CNTN2: variants seen among roughly 807,000 people sequenced by gnomAD.
CNTN2 encodes the protein contactin 2.
A neutral mutation model predicts 117.5 loss-of-function variants in CNTN2; 53 were observed. The observed-to-expected ratio is 0.45, with a 90% CI of 0.36 to 0.57. The LOEUF is 0.57. Among genes scored for constraint, CNTN2 ranks in the 20% least tolerant of loss-of-function variants. The pLI is 0.00. For missense variants in CNTN2, 1,106 were observed against 1,404.3 expected, an observed-to-expected ratio of 0.79 and a Z score of 3.39; for synonymous variants, 530 against 561.7, an observed-to-expected ratio of 0.94 and a Z score of 0.80.
In CNTN2 at chr1:205,070,418, G is replaced by T. The variant is rs374180490; in HGVS notation, c.2432-8G>T. On this transcript the variant is annotated splice_region_variant and splice_polypyrimidine_tract_variant and intron_variant, in intron 18 of 22. Transcript: ENST00000331830. ...GGGAATCCAAACCCATTCTGTATTG[G>T]TCCCCAGAGCCCAGGGTGGCCCCTA... 1 of 1,600,960 alleles carries T rather than the reference G, an allele frequency of 6.2e-7. No individual in the cohort carries two copies. The highest frequency in any genetic ancestry group is 8.6e-7 in the Non-Finnish European group (1 of 1,169,402).
At chr1:205,051,616 C>T (rs1294056178) in intron 1 of CNTN2, among the ~76,000 whole-genome samples, 1 of 152,116 alleles carries the variant, frequency 6.6e-6, no homozygotes, top group African/African-American at 2.4e-5. Flanking sequence ...TCTGCTCCAA[C>T]GCCCCCCACC....
Position 205,065,807 on chromosome 1 carries a change from C to G in CNTN2, c.1714C>G (p.Leu572Val). 1 of 1,522,150 alleles carries G rather than the reference C, an allele frequency of 6.6e-7. No homozygotes were observed. The highest frequency in any genetic ancestry group is 1.1e-5 in the South Asian group (1 of 89,676). The allele number at this position is 1,522,150 out of a possible 1,614,324, so 94.3% of individuals were successfully genotyped here. ...TGTGCAGAAGGAGACCATTGGGGAT[C>G]TGACCATCCTGAACGCCCAGCTGCG... is the stretch of plus-strand genomic sequence containing the variant. ...RTNVKETIGD[L>V]TILNAQLRHG... is the part of the protein sequence containing the mutation. Residue 572 changes from leucine (L) to valine (V), a missense_variant, in exon 14 of 23, where the codon CTG (leucine) becomes GTG (valine). Transcript: ENST00000331830. This position sits in a 1 kb window ranked among gnomAD's most constrained non-coding sequence, Gnocchi z 4.1.
rs923255941 is a variant in CNTN2, at chr1:205,048,077, G to A, written c.-87+4683G>A. Reference sequence around the variant, plus strand: ...AGCGGGGGCCTGAAGGGCTCCTCAAGTACTTTGTAGGCTGATAATAAATCA... The same window carrying A: ...AGCGGGGGCCTGAAGGGCTCCTCAAATACTTTGTAGGCTGATAATAAATCA... On this transcript the variant is annotated intron_variant, in intron 1 of 22. Transcript: ENST00000331830. This position sits in a 1 kb window ranked among gnomAD's most constrained non-coding sequence, Gnocchi z 4.1. Among the ~76,000 whole-genome samples the A allele has an allele frequency of 1.3e-5, 2 of 152,190 alleles. No homozygotes were observed. The highest frequency in any genetic ancestry group is 2.9e-5 in the Non-Finnish European group (2 of 68,018).
Position 205,058,750 on chromosome 1 carries a change from C to A in CNTN2, c.487+87C>A. 1.9e-6 allele frequency: 2 copies of A among 1,066,104 alleles called. No homozygotes were observed. Among genetic ancestry groups the A allele is most frequent in the Admixed American group, 2.5e-5 (1 of 40,396 alleles). 66.0% of individuals were successfully genotyped at this position (1,066,104 alleles called of 1,614,324 possible). A position where few individuals can be genotyped will look rare whatever the true frequency, so the allele number is the denominator to read the frequency against. On this transcript the variant is annotated intron_variant, in intron 5 of 22. Transcript: ENST00000331830. This position sits in a 1 kb window ranked among gnomAD's most constrained non-coding sequence, Gnocchi z 4.3. ...AGAGGAAGGATGGAATAAAAGGAGA[C>A]CCCTGGAAATGACCCTTAGAAGCAC...
chr1:205,044,187 A>T (rs2096437156), intron 1 of CNTN2, among the ~76,000 whole-genome samples: 1 of 152,026 alleles, frequency 6.6e-6, no homozygotes, highest in Admixed American at 6.6e-5. Context: ...TGGGGAAGGG[A>T]AGGGGCAGAG....
rs1193381104 is a variant in CNTN2, at chr1:205,066,538, C to T, written c.1914C>T (p.Ile638=). The change falls in exon 15 of 23, where the codon ATC becomes ATT. Residue 638 remains isoleucine (I), a synonymous_variant. Transcript: ENST00000331830. Reference sequence around the variant, plus strand: ...GTGGCTTCGACAACCACAGCCCCATCGCTAAGTACACCCTGCAAGCTCGCA... The same window carrying T: ...GTGGCTTCGACAACCACAGCCCCATTGCTAAGTACACCCTGCAAGCTCGCA... ...WSRGFDNHSP[I]AKYTLQARTP... is the part of the protein sequence containing the mutation. The T allele has an allele frequency of 6.8e-6, 11 of 1,614,132 alleles. No homozygotes were observed. The highest frequency in any genetic ancestry group is 3.3e-5 in the Admixed American group (2 of 60,032).
At position 205,066,445 on chromosome 1, in the gene CNTN2, G is replaced by A. The variant is rs200957843; in HGVS notation, c.1821G>A (p.Pro607=). ...TGCTCTGACCTCTTGGTGCAGGTCC[G>A]CCAGGTCCCCCAGGAGGTGTGGTGG... The part of the protein sequence containing the change: ...SKEATVLVRG[P]PGPPGGVVVR... The change falls in exon 15 of 23, where the codon CCG becomes CCA. Residue 607 remains proline, a synonymous_variant. Transcript: ENST00000331830. The A allele has an allele frequency of 4.7e-5, 76 of 1,613,622 alleles. No individual in the cohort carries two copies. The highest frequency in any genetic ancestry group is 1.9e-4 in the South Asian group (17 of 91,012).
chr1:205,070,463 G>A lies in CNTN2; in HGVS notation c.2469G>A (p.Gly823=), dbSNP rs138090348. Residue 823 remains glycine (G), a synonymous_variant, in exon 19 of 23, where the codon GGG becomes GGA. Transcript: ENST00000331830. The part of the protein sequence containing the change: ...RVAPTKVWAK[G]VSSSEMNVTW... The stretch of plus-strand genomic sequence containing the variant: ...CCCCTACCAAGGTGTGGGCCAAAGG[G>A]GTCTCATCCTCAGAGATGAACGTGA... The A allele has an allele frequency of 5.8e-5, 94 of 1,613,844 alleles. No homozygotes were observed. In the African/African-American group the frequency reaches 9.2e-4, roughly 16 times the overall value.
intron 1 of CNTN2, among the ~76,000 whole-genome samples, chr1:205,050,105 C>T (rs528171535): frequency 6.6e-6 from 1 of 152,322 alleles, no homozygotes; most frequent in East Asian, 1.9e-4. Context: ...TCCCAGCTCA[C>T]GAAGCTGTTC....
Position 205,077,026 on chromosome 1 carries a change from C to A in CNTN2, c.*3261C>A, listed in dbSNP as rs1166592654. ...AGGAAGAGGCTTCTTTCTGAGGGAG[C>A]TTTGAGGAATTTTGACAGCTGTTGA... On this transcript the variant is annotated 3_prime_UTR_variant, in exon 23 of 23. Transcript: ENST00000331830. 1.3e-5 allele frequency: 2 copies of A among 152,162 alleles called. No homozygotes were observed. Among genetic ancestry groups the A allele is most frequent in the African/African-American group, 4.8e-5 (2 of 41,428 alleles). The allele number at this position is 152,162 out of a possible 1,614,324, so 9.4% of individuals were successfully genotyped here.
chr1:205,044,281 C>T (rs1354247583), intron 1 of CNTN2, among the ~76,000 whole-genome samples: 1 of 152,182 alleles, frequency 6.6e-6, no homozygotes, highest in Non-Finnish European at 1.5e-5. Context: ...GGGGCAGCCC[C>T]AGCCAGTGAG....
rs4017875 is a variant in CNTN2, at chr1:205,048,910, C to CGTGTGTGTGTGTGTGT, written c.-86-4155_-86-4140dup. On this transcript the variant is annotated intron_variant, in intron 1 of 22. Transcript: ENST00000331830. The surrounding 1 kb of genome is among the most constrained non-coding windows in gnomAD (Gnocchi z 4.1). ...GCTCCAGCCTTTAGCCCAGACTCTG[C>CGTGTGTGTGTGTGTGT]GTGTGTGTGTGTGTGTGTGTGTGTG... 1.6e-5 allele frequency among the ~76,000 whole-genome samples: 2 copies of CGTGTGTGTGTGTGTGT among 127,780 alleles called. No homozygotes were observed. The highest frequency in any genetic ancestry group is 5.9e-5 in the African/African-American group (2 of 33,638). The allele number at this position is 127,780 out of a possible 152,430, so 83.8% of individuals were successfully genotyped here.
At chr1:205,052,125 G>C (rs900760116) in intron 1 of CNTN2, among the ~76,000 whole-genome samples, 11 of 152,244 alleles carry the variant, frequency 7.2e-5, no homozygotes, top group Admixed American at 6.5e-4. Context: ...AGGCAGAGCA[G>C]AGCAGCAGAA....
rs1470401501 is a variant in CNTN2 at position 205,077,168 on chromosome 1, C to T, written c.*3403C>T. On this transcript the variant is annotated 3_prime_UTR_variant, in exon 23 of 23. Transcript: ENST00000331830. Reference sequence around the variant, plus strand: ...TCAGCCCAGGAAGTCTTGGAGATCCCACCTTCTGTGGCCCTGCACCTTATG... The same window carrying T: ...TCAGCCCAGGAAGTCTTGGAGATCCTACCTTCTGTGGCCCTGCACCTTATG... 6.6e-6 allele frequency: 1 copy of T among 152,266 alleles called. No homozygotes were observed. The highest frequency in any genetic ancestry group is 2.4e-5 in the African/African-American group (1 of 41,452). 9.4% of individuals were successfully genotyped at this position (152,266 alleles called of 1,614,324 possible). A position where few individuals can be genotyped will look rare whatever the true frequency, so the allele number is the denominator to read the frequency against.
Position 205,076,991 on chromosome 1 carries a change from C to A in CNTN2, c.*3226C>A, listed in dbSNP as rs957380563. 1 of 152,140 alleles carries A rather than the reference C, an allele frequency of 6.6e-6. No homozygotes were observed. The highest frequency in any genetic ancestry group is 2.4e-5 in the African/African-American group (1 of 41,414). 9.4% of individuals were successfully genotyped at this position (152,140 alleles called of 1,614,324 possible). Reference sequence around the variant, plus strand: ...GAATGACCTTCCTCATTCCAGGAGGCCCTGGAATAAGGAAGAGGCTTCTTT... The same window carrying A: ...GAATGACCTTCCTCATTCCAGGAGGACCTGGAATAAGGAAGAGGCTTCTTT... On this transcript the variant is annotated 3_prime_UTR_variant, in exon 23 of 23. Transcript: ENST00000331830.
At chr1:205,066,322 A>T in intron 14 of CNTN2, 119 bp from the exon 15 acceptor site, 1 of 1,241,900 alleles carries the variant, frequency 8.1e-7, no homozygotes, top group Non-Finnish European at 1.1e-6. Flanking sequence ...GTGTGTGTTC[A>T]CTGCATCCTC....
At position 205,073,164 on chromosome 1, in the gene CNTN2, C is replaced by G; in HGVS notation, c.2941C>G (p.Leu981Val). 1 of 1,614,186 alleles carries G rather than the reference C, an allele frequency of 6.2e-7. No individual in the cohort carries two copies. The highest frequency in any genetic ancestry group is 8.5e-7 in the Non-Finnish European group (1 of 1,180,028). The part of the protein sequence containing the change: ...IPVPEDIGHA[L>V]VQIRTTGPGG... ...AGTGCCTGAAGACATTGGCCATGCC[C>G]TGGTACAAATTCGGACCACAGGGCC... Residue 981 changes from leucine to valine, a missense_variant, in exon 22 of 23, where the codon CTG becomes GTG. Physicochemically the swap from Leu to Val is conservative, Grantham distance 32. Transcript: ENST00000331830. The surrounding 1 kb of genome is among the most constrained non-coding windows in gnomAD (Gnocchi z 6.3).
chr1:205,073,574 C>T lies in CNTN2; in HGVS notation c.3014-82C>T. 1.5e-6 allele frequency: 2 copies of T among 1,308,714 alleles called. No homozygotes were observed. Among genetic ancestry groups the T allele is most frequent in the East Asian group, 4.9e-5 (2 of 40,794 alleles). The allele number at this position is 1,308,714 out of a possible 1,614,324, so 81.1% of individuals were successfully genotyped here. On this transcript the variant is annotated intron_variant, in intron 22 of 22. Coordinates refer to ENST00000331830, the MANE Select transcript of CNTN2 (RefSeq NM_005076.5). This position sits in a 1 kb window ranked among gnomAD's most constrained non-coding sequence, Gnocchi z 6.3. ...GCCTGCAGCTGGCCCTGTGAGTCTC[C>T]TTAGGAAAGGTCTCAATCTTGCCAC...
intron 19 of CNTN2, 150 bp from the exon 20 acceptor site, chr1:205,071,797 G>T (rs1257577348): frequency 1.5e-6 from 1 of 659,748 alleles, no homozygotes; most frequent in Non-Finnish European, 2.5e-6. Flanking sequence ...CCTGCTGTCT[G>T]GGTGCTCATG....
Sources: gnomAD v4.1 joint callset for allele counts (sites outside exome capture counted in the v4.1 genomes callset) on GRCh38, gnomAD v4.1.1 for gene constraint, Gnocchi (gnomAD v3.1) non-coding constraint, MANE v1.5 for transcripts, NCBI Gene and HGNC (gene_info 2026-07-23, HGNC 2026-07-21) for gene names.